The following SFXN5 variants were observed in gnomAD, a reference collection of about 807,000 sequenced individuals.
SFXN5 encodes sideroflexin 5.
In SFXN5, 43 loss-of-function variants were observed where a neutral mutation model predicts 50.2. That is an observed-to-expected ratio of 0.86 (90% CI 0.67 to 1.11). SFXN5 has a LOEUF of 1.11. Ranked by LOEUF, SFXN5 falls within the 50% of genes least tolerant of loss-of-function variation. The pLI is 0.00. For synonymous variants in SFXN5, 203 were observed against 185.8 expected (o/e 1.09, Z -0.75); for missense variants, 463 against 454.1 (o/e 1.02, Z -0.18).
chr2:72,979,628 C>T (rs576351655), intron 10 of SFXN5, among the ~76,000 whole-genome samples: 11 of 152,114 alleles, frequency 7.2e-5, no homozygotes, highest in African/African-American at 2.4e-4. Context: ...AGCAAGACTC[C>T]GTCTATAAAT....
chr2:72,957,846 T>C (rs1388238202), intron 13 of SFXN5, among the ~76,000 whole-genome samples: 5 of 152,226 alleles, frequency 3.3e-5, no homozygotes, highest in Non-Finnish European at 4.4e-5. Flanking sequence ...TCCACATAGC[T>C]GAGGAGGGAG....
intron 13 of SFXN5, among the ~76,000 whole-genome samples, chr2:72,956,528 G>T (rs1302099519): frequency 6.6e-6 from 1 of 152,124 alleles, no homozygotes; most frequent in Non-Finnish European, 1.5e-5. Flanking sequence ...GTGTGGGTGG[G>T]CTGGGGAGGG....
intron 5 of SFXN5, among the ~76,000 whole-genome samples, chr2:73,021,903 C>T (rs1158471760): frequency 6.6e-6 from 1 of 152,212 alleles, no homozygotes; most frequent in Non-Finnish European, 1.5e-5. Context: ...GCCCTAAAGC[C>T]CACATAGGCA....
At position 72,950,208 on chromosome 2, in the gene SFXN5, G is replaced by A. The variant is rs1672383701; in HGVS notation, c.946-5109C>T. Among the ~76,000 whole-genome samples the A allele has an allele frequency of 2.0e-5, 3 of 152,160 alleles. No homozygotes were observed. The highest frequency in any genetic ancestry group is 4.8e-5 in the African/African-American group (2 of 41,414). On this transcript the variant is annotated intron_variant, in intron 13 of 13. Coordinates refer to ENST00000272433, the MANE Select transcript of SFXN5 (RefSeq NM_144579.3). This position sits in a 1 kb window ranked among gnomAD's most constrained non-coding sequence, Gnocchi z 4.2. Reference sequence around the variant, plus strand: ...GATGGTGGCCTTGGGGGACCAGCCCGAGGAGCGAACGTAATGACAGAGGGT... The same window carrying A: ...GATGGTGGCCTTGGGGGACCAGCCCAAGGAGCGAACGTAATGACAGAGGGT...
chr2:73,007,340 G>A (rs17570432), intron 6 of SFXN5, among the ~76,000 whole-genome samples: 9,250 of 152,048 alleles, frequency 0.061, 335 homozygotes, highest in East Asian at 0.14. Context: ...AGACTAGGGC[G>A]AACTGTCTTG....
At chr2:72,970,305 C>T (rs564601641) in intron 11 of SFXN5, among the ~76,000 whole-genome samples, 4 of 152,208 alleles carry the variant, frequency 2.6e-5, no homozygotes, top group Non-Finnish European at 5.9e-5. Context: ...GAGGCCCCTC[C>T]AGTCTCTGGA....
chr2:73,058,017 C>T (rs10167566), intron 2 of SFXN5: 45,766 of 152,464 alleles, frequency 0.3, 9,234 homozygotes, highest in East Asian at 0.55. Flanking sequence ...TGATGGTGGA[C>T]ACACGACTGA....
intron 7 of SFXN5, 46 bp downstream of exon 7, chr2:73,001,479 G>T (rs370379917): frequency 3.0e-5 from 48 of 1,602,502 alleles, no homozygotes; most frequent in Non-Finnish European, 3.9e-5. Flanking sequence ...ACCAGCACCT[G>T]TGTGGGCCCT....
At chr2:73,031,800 C>CCTCT (rs1191196670) in intron 3 of SFXN5, among the ~76,000 whole-genome samples, 1 of 152,168 alleles carries the variant, frequency 6.6e-6, no homozygotes, top group African/African-American at 2.4e-5. Context: ...GGACTTTGGC[C>CCTCT]CTCTCTCAGT....
intron 1 of SFXN5, among the ~76,000 whole-genome samples, chr2:73,068,825 C>T (rs1683362380): frequency 6.6e-6 from 1 of 151,482 alleles, no homozygotes; most frequent in African/African-American, 2.4e-5. Context: ...TAAGCGAACA[C>T]TCAAAAATCC....
At chr2:72,981,498 C>A (rs1671299285) in intron 10 of SFXN5, among the ~76,000 whole-genome samples, 1 of 152,202 alleles carries the variant, frequency 6.6e-6, no homozygotes, top group South Asian at 2.1e-4. Flanking sequence ...TCCTGGTGCT[C>A]TTGCCCATGA....
intron 11 of SFXN5, among the ~76,000 whole-genome samples, chr2:72,970,306 A>G (rs1468353792): frequency 6.6e-6 from 1 of 152,184 alleles, no homozygotes; most frequent in Non-Finnish European, 1.5e-5. Context: ...AGGCCCCTCC[A>G]GTCTCTGGAA....
At chr2:73,007,564 G>A (rs776406544) in intron 6 of SFXN5, among the ~76,000 whole-genome samples, 1 of 152,068 alleles carries the variant, frequency 6.6e-6, no homozygotes, top group Non-Finnish European at 1.5e-5. Context: ...AAAAGCTGTG[G>A]AAAGTTTATC....
intron 11 of SFXN5, among the ~76,000 whole-genome samples, chr2:72,970,079 G>A (rs904250992): frequency 6.6e-6 from 1 of 152,204 alleles, no homozygotes; most frequent in African/African-American, 2.4e-5. Context: ...AAGGAAGCCA[G>A]GGGCCACTTG....
rs900360803 is a variant in SFXN5 at position 72,942,869 on chromosome 2, T to C, written c.*2153A>G. 3 of 151,612 alleles carry C rather than the reference T, an allele frequency of 2.0e-5. No individual in the cohort carries two copies. The highest frequency in any genetic ancestry group is 2.9e-5 in the Non-Finnish European group (2 of 67,940). The allele number at this position is 151,612 out of a possible 1,614,324, so 9.4% of individuals were successfully genotyped here. A position where few individuals can be genotyped will look rare whatever the true frequency, so the allele number is the denominator to read the frequency against. On this transcript the variant is annotated 3_prime_UTR_variant, in exon 14 of 14. Coordinates refer to ENST00000272433, the MANE Select transcript of SFXN5 (RefSeq NM_144579.3). Reference sequence around the variant, plus strand: ...CAGGGGGAGGGCGGGAAGGGGTGGGTAGGCAGTTTTGGTCCCAAGATAAAG... The same window carrying C: ...CAGGGGGAGGGCGGGAAGGGGTGGGCAGGCAGTTTTGGTCCCAAGATAAAG...
intron 2 of SFXN5, among the ~76,000 whole-genome samples, chr2:73,047,625 C>T (rs903397679): frequency 1.3e-5 from 2 of 151,908 alleles, no homozygotes; most frequent in Non-Finnish European, 2.9e-5. Flanking sequence ...CAGAGTTCCC[C>T]TGCACTAGCT....
intron 1 of SFXN5, among the ~76,000 whole-genome samples, chr2:73,070,067 C>T (rs1683462356): frequency 6.6e-6 from 1 of 152,146 alleles, no homozygotes; most frequent in Non-Finnish European, 1.5e-5. Context: ...AGGAAGCCTG[C>T]GATCTGATGG....
chr2:73,006,354 G>A (rs370061089), intron 6 of SFXN5, among the ~76,000 whole-genome samples: 1 of 152,288 alleles, frequency 6.6e-6, no homozygotes. Flanking sequence ...AGGCACGGTG[G>A]CTCACGCCTG....
rs375309524 is a variant in SFXN5 at position 73,040,890 on chromosome 2, C to G, written c.213G>C (p.Lys71Asn). 1.9e-6 allele frequency: 3 copies of G among 1,613,194 alleles called. No individual in the cohort carries two copies. Among genetic ancestry groups the G allele is most frequent in the Non-Finnish European group, 2.5e-6 (3 of 1,179,724 alleles). The change falls in exon 3 of 14, where the codon AAG becomes AAC. Residue 71 changes from lysine to asparagine, a missense_variant. Coordinates refer to ENST00000272433, the MANE Select transcript of SFXN5 (RefSeq NM_144579.3). ...TGACCCCCGGGCGCAGGGTCCCATG[C>G]TTATAGTCCTCCAGCAGCTGCACAG... ...REAVQLLEDY[K>N]HGTLRPGVTN...
Sources: gnomAD v4.1 joint callset for allele counts (sites outside exome capture counted in the v4.1 genomes callset) on GRCh38, gnomAD v4.1.1 for gene constraint, Gnocchi (gnomAD v3.1) non-coding constraint, MANE v1.5 for transcripts, NCBI Gene and HGNC (gene_info 2026-07-23, HGNC 2026-07-21) for gene names.